The following GLI2 variants were observed in gnomAD, a reference collection of about 807,000 sequenced individuals.
GLI2 encodes the protein transcription activator GLI2.
A neutral mutation model predicts 78.9 loss-of-function variants in GLI2; 22 were observed. The observed-to-expected ratio is 0.28, with a 90% CI of 0.20 to 0.40. The LOEUF (loss-of-function observed/expected upper bound fraction) is 0.40. Ranked by LOEUF, GLI2 falls within the 10% of genes least tolerant of loss-of-function variation. The pLI, the probability that GLI2 is intolerant of heterozygous loss-of-function variation, is 1.00. For synonymous variants in GLI2, 974 were observed against 963.7 expected (o/e 1.01, Z -0.20); for missense variants, 2,097 against 2,213.2 (o/e 0.95, Z 1.05).
chr2:120,752,320 G>A (rs1298375224), intron 1 of GLI2, among the ~76,000 whole-genome samples: 1 of 149,672 alleles, frequency 6.7e-6, no homozygotes, highest in African/African-American at 2.5e-5. Flanking sequence ...GCCCAGGCTG[G>A]AGTGCAGTGG....
chr2:120,960,803 G>A (rs1044154765), intron 5 of GLI2, among the ~76,000 whole-genome samples: 19 of 152,206 alleles, frequency 1.2e-4, no homozygotes, highest in African/African-American at 4.3e-4. Flanking sequence ...CCAGGGTGCC[G>A]GCAGGACAGA....
At chr2:120,751,005 A>G (rs1481833353) in intron 1 of GLI2, among the ~76,000 whole-genome samples, 2 of 152,230 alleles carry the variant, frequency 1.3e-5, no homozygotes, top group African/African-American at 4.8e-5. Flanking sequence ...GGAAGCCAGG[A>G]TGGTGGCCCC....
Position 120,970,540 on chromosome 2 carries a change from C to T in GLI2, c.993C>T (p.Leu331=), listed in dbSNP as rs776393864. ...TCCTGGCCCAGCAGCCCATGGCCCT[C>T]ACCTCCATCAATGCCACGCCCACCC... ...PTFLAQQPMA[L]TSINATPTQL... The change falls in exon 7 of 14, where the codon CTC becomes CTT. Residue 331 remains leucine, a synonymous_variant. Transcript: ENST00000361492. 1.2e-6 allele frequency: 2 copies of T among 1,614,200 alleles called. No homozygotes were observed. Among genetic ancestry groups the T allele is most frequent in the South Asian group, 1.1e-5 (1 of 91,084 alleles).
In GLI2 at chr2:120,757,126, A is replaced by G. The variant is rs555139504; in HGVS notation, c.-31+20841A>G. Among the ~76,000 whole-genome samples the G allele has an allele frequency of 6.6e-5, 10 of 151,844 alleles. No homozygotes were observed. In the South Asian group the frequency reaches 1.9e-3, roughly 28 times the overall value. On this transcript the variant is annotated intron_variant, in intron 1 of 13. Coordinates refer to ENST00000361492, the MANE Select transcript of GLI2 (RefSeq NM_001374353.1). ...ACTCTTTGGACACAGGAATTCATTT[A>G]TAACTACTGTTTTCATGCTCTCATC...
intron 5 of GLI2, 144 bp from the exon 6 acceptor site, chr2:120,968,570 G>A (rs1170218332): frequency 2.9e-5 from 21 of 712,646 alleles, no homozygotes; most frequent in South Asian, 2.1e-4. Context: ...GACATCCTTC[G>A]CCCAAGAGCC....
At position 120,927,482 on chromosome 2, in the gene GLI2, T is replaced by C; in HGVS notation, c.254+16T>C. Reference sequence around the variant, plus strand: ...GTGTGCACGGGTAAGTCCTGCCCTCTGCCTGCTGCTCCTGGCGTGCAGTCA... The same window carrying C: ...GTGTGCACGGGTAAGTCCTGCCCTCCGCCTGCTGCTCCTGGCGTGCAGTCA... On this transcript the variant is annotated intron_variant, in intron 3 of 13. Coordinates refer to ENST00000361492, the MANE Select transcript of GLI2 (RefSeq NM_001374353.1). The C allele has an allele frequency of 1.3e-6, 2 of 1,549,112 alleles. No individual in the cohort carries two copies. Among genetic ancestry groups the C allele is most frequent in the East Asian group, 2.2e-5 (1 of 44,530 alleles).
At chr2:120,893,239 G>A (rs375365583) in intron 2 of GLI2, among the ~76,000 whole-genome samples, 1 of 152,220 alleles carries the variant, frequency 6.6e-6, no homozygotes, top group Non-Finnish European at 1.5e-5. Flanking sequence ...GTTGGATGAC[G>A]TGGAGGGAGA....
intron 2 of GLI2, among the ~76,000 whole-genome samples, chr2:120,837,818 C>T (rs923930824): frequency 6.6e-6 from 1 of 152,162 alleles, no homozygotes; most frequent in African/African-American, 2.4e-5. Context: ...ATATGTAGCT[C>T]TGTTTCCGGG....
intron 2 of GLI2, among the ~76,000 whole-genome samples, chr2:120,807,540 T>G (rs1685019584): frequency 6.6e-6 from 1 of 152,312 alleles, no homozygotes; most frequent in African/African-American, 2.4e-5. Flanking sequence ...GTCTCTATAA[T>G]GAGTTAGCAG....
At chr2:120,980,904 A>G (rs280193) in intron 10 of GLI2, among the ~76,000 whole-genome samples, 143,606 of 151,594 alleles carry the variant, frequency 0.95, 68,524 homozygotes, top group Middle Eastern at 1. Context: ...TTTTTGAGAC[A>G]GAGTCTCCCT....
At chr2:120,933,487 C>G (rs1032402218) in intron 3 of GLI2, among the ~76,000 whole-genome samples, 2 of 152,130 alleles carry the variant, frequency 1.3e-5, no homozygotes, top group African/African-American at 4.8e-5. Flanking sequence ...AGAGTCTGTA[C>G]AAGGGCGAGA....
chr2:120,939,705 A>G (rs1680363801), intron 3 of GLI2, among the ~76,000 whole-genome samples: 1 of 152,172 alleles, frequency 6.6e-6, no homozygotes, highest in Non-Finnish European at 1.5e-5. Context: ...GTTTTTGCTA[A>G]TTTGAACATG....
At chr2:120,967,392 A>G (rs1681909626) in intron 5 of GLI2, among the ~76,000 whole-genome samples, 1 of 152,232 alleles carries the variant, frequency 6.6e-6, no homozygotes, top group Non-Finnish European at 1.5e-5. Context: ...TGGACAGGGC[A>G]GGAAGCTTGG....
chr2:120,839,995 A>C (rs1686793098), intron 2 of GLI2, among the ~76,000 whole-genome samples: 1 of 151,996 alleles, frequency 6.6e-6, no homozygotes, highest in African/African-American at 2.4e-5. Context: ...TTTCTTTCTT[A>C]GGTGTGCTTT....
chr2:120,982,144 G>T lies in GLI2; in HGVS notation c.1468-572G>T, dbSNP rs117454775. On this transcript the variant is annotated intron_variant, in intron 10 of 13. Coordinates refer to ENST00000361492, the MANE Select transcript of GLI2 (RefSeq NM_001374353.1). Reference sequence around the variant, plus strand: ...TGGGGGCTGCAGAAGTTTCCAGCCAGAGGGGTCGGTAGTATGCAGAGGCCC... The same window carrying T: ...TGGGGGCTGCAGAAGTTTCCAGCCATAGGGGTCGGTAGTATGCAGAGGCCC... Among the ~76,000 whole-genome samples, 244 of 152,290 alleles carry T rather than the reference G, an allele frequency of 1.6e-3. 1 individual carries two copies. The East Asian group carries it at 0.036, about 23-fold the overall frequency.
At chr2:120,771,325 G>A (rs762999130) in intron 1 of GLI2, among the ~76,000 whole-genome samples, 12 of 152,356 alleles carry the variant, frequency 7.9e-5, no homozygotes, top group Middle Eastern at 3.4e-3. Flanking sequence ...TATGCTGTGC[G>A]ATTGGGGCGG....
At chr2:120,894,049 C>T (rs879663176) in intron 2 of GLI2, among the ~76,000 whole-genome samples, 9 of 152,170 alleles carry the variant, frequency 5.9e-5, no homozygotes, top group East Asian at 1.9e-4. Context: ...TAATCAATGC[C>T]GAAGGCTGAG....
intron 5 of GLI2, among the ~76,000 whole-genome samples, chr2:120,966,470 C>T (rs1681862441): frequency 6.6e-6 from 1 of 152,214 alleles, no homozygotes; most frequent in Admixed American, 6.5e-5. Flanking sequence ...TGGCTGTCTA[C>T]TCCCCTCTGT....
At chr2:120,758,384 AAAGCGG>A (rs1218425558) in intron 1 of GLI2, among the ~76,000 whole-genome samples, 1 of 152,166 alleles carries the variant, frequency 6.6e-6, no homozygotes, top group East Asian at 1.9e-4. Context: ...GGGAGAGGGG[AAAGCGG>A]AAGTGGGAAG....
Sources: gnomAD v4.1 joint callset for allele counts (sites outside exome capture counted in the v4.1 genomes callset) on GRCh38, gnomAD v4.1.1 for gene constraint, MANE v1.5 for transcripts, NCBI Gene and HGNC (gene_info 2026-07-23, HGNC 2026-07-21) for gene names.